The following IQSEC1 variants were observed in gnomAD, a reference collection of about 807,000 sequenced individuals.
IQSEC1 encodes the protein IQ motif and SEC7 domain-containing protein 1.
In IQSEC1, 31 loss-of-function variants were observed where a neutral mutation model predicts 91.0. That is an observed-to-expected ratio of 0.34 (90% CI 0.26 to 0.46). The LOEUF (loss-of-function observed/expected upper bound fraction) is 0.46, where lower values mean the gene tolerates loss of function less well. Among genes scored for constraint, IQSEC1 ranks in the 20% least tolerant of loss-of-function variants. IQSEC1 has a pLI of 1.00. For synonymous variants in IQSEC1, 699 were observed against 662.6 expected, an observed-to-expected ratio of 1.05 and a Z score of -0.84; for missense variants, 1,388 against 1,575.6, an observed-to-expected ratio of 0.88 and a Z score of 2.02.
At chr3:12,963,616 C>T (rs1700375826) in intron 1 of IQSEC1, among the ~76,000 whole-genome samples, 1 of 152,186 alleles carries the variant, frequency 6.6e-6, no homozygotes, top group Non-Finnish European at 1.5e-5. Context: ...TTTCTTTTGG[C>T]TCCATTTCAT....
chr3:13,272,282 T>C (rs1335828182), intron 1 of IQSEC1, among the ~76,000 whole-genome samples: 2 of 152,206 alleles, frequency 1.3e-5, no homozygotes, highest in Non-Finnish European at 2.9e-5. Flanking sequence ...TGGCAAGTGC[T>C]TACAATAAAT....
intron 1 of IQSEC1, among the ~76,000 whole-genome samples, chr3:13,252,546 T>C (rs2125118019): frequency 6.6e-6 from 1 of 152,310 alleles, no homozygotes; most frequent in East Asian, 1.9e-4. Context: ...TTCAATTCTT[T>C]TGGGCATATG....
intron 1 of IQSEC1, among the ~76,000 whole-genome samples, chr3:12,943,362 T>C (rs911479508): frequency 3.3e-5 from 5 of 152,360 alleles, no homozygotes; most frequent in East Asian, 1.9e-4. Flanking sequence ...GCCTTTTCAC[T>C]GTGTGCAGAC....
rs939972948 is a variant in IQSEC1, at chr3:12,900,754, C to T, written c.*229G>A. ...TGGTGTCTGAGGCCCACCCATCCCT[C>T]AGACTGAGGTGAGCAGAGCCCAGGG... is the stretch of plus-strand genomic sequence containing the variant. On this transcript the variant is annotated 3_prime_UTR_variant, in exon 14 of 14. Transcript: ENST00000613206. 51 of 1,425,124 alleles carry T rather than the reference C, an allele frequency of 3.6e-5. No individual in the cohort carries two copies. The highest frequency in any genetic ancestry group is 4.5e-5 in the Non-Finnish European group (49 of 1,093,786). 88.3% of individuals were successfully genotyped at this position (1,425,124 alleles called of 1,614,324 possible).
intron 12 of IQSEC1, among the ~76,000 whole-genome samples, chr3:12,905,403 A>ATTTCT (rs1279288120): frequency 3.2e-4 from 48 of 152,284 alleles, no homozygotes; most frequent in Non-Finnish European, 1.8e-4. Context: ...GCTCAGTGTC[A>ATTTCT]GTGACCATAA....
intron 1 of IQSEC1, among the ~76,000 whole-genome samples, chr3:13,277,260 C>T (rs1051072587): frequency 1.5e-4 from 23 of 152,144 alleles, no homozygotes; most frequent in African/African-American, 5.1e-4. Context: ...CTCCAGGCCC[C>T]TCCAACGTGA....
chr3:12,911,764 T>C, intron 9 of IQSEC1, 36 bp from the exon 10 acceptor site: 1 of 1,410,936 alleles, frequency 7.1e-7, no homozygotes, highest in Non-Finnish European at 1.0e-6. Context: ...AGCTACAGTG[T>C]CTCGGGGGGC....
intron 12 of IQSEC1, among the ~76,000 whole-genome samples, chr3:12,904,238 C>G (rs1021168840): frequency 1.3e-5 from 2 of 152,206 alleles, no homozygotes; most frequent in African/African-American, 4.8e-5. Context: ...TCAGGGGAGT[C>G]CAGTTCCTCT....
At chr3:13,212,571 C>A (rs1000204975) in intron 1 of IQSEC1, among the ~76,000 whole-genome samples, 1 of 152,226 alleles carries the variant, frequency 6.6e-6, no homozygotes, top group East Asian at 1.9e-4. Context: ...ACATGTCTAA[C>A]TGCTCAAGGT....
chr3:12,967,732 G>T lies in IQSEC1; in HGVS notation c.24-25867C>A, dbSNP rs967748254. The T allele has an allele frequency of 4.6e-5, 49 of 1,063,526 alleles. No homozygotes were observed. In the African/African-American group the frequency reaches 8.5e-4, roughly 18 times the overall value. The allele number at this position is 1,063,526 out of a possible 1,614,324, so 65.9% of individuals were successfully genotyped here. ...GCCGGAGGAATGTGGCCCTGAAGTG[G>T]GCGGGGCAGGGCGGGGGCGGGGCCG... is the stretch of plus-strand genomic sequence containing the variant. On this transcript the variant is annotated intron_variant, in intron 1 of 13. Transcript: ENST00000613206. This position sits in a 1 kb window ranked among gnomAD's most constrained non-coding sequence, Gnocchi z 5.9.
At chr3:13,175,252 A>G (rs1693704004) in intron 1 of IQSEC1, among the ~76,000 whole-genome samples, 1 of 152,080 alleles carries the variant, frequency 6.6e-6, no homozygotes, top group African/African-American at 2.4e-5. Flanking sequence ...CTCTGGGCCC[A>G]TGTTTCCTCA....
chr3:13,181,037 T>C (rs9819465), intron 1 of IQSEC1, among the ~76,000 whole-genome samples: 4,941 of 152,212 alleles, frequency 0.032, 263 homozygotes, highest in African/African-American at 0.11. Flanking sequence ...TTTGGGAGGC[T>C]GAGGCGGGCG....
chr3:13,265,297 T>C (rs1005287827), intron 1 of IQSEC1, among the ~76,000 whole-genome samples: 1 of 128,280 alleles, frequency 7.8e-6, no homozygotes, highest in Non-Finnish European at 1.7e-5. Flanking sequence ...CGGCAGAGCC[T>C]CTGCCTGTGC....
intron 1 of IQSEC1, among the ~76,000 whole-genome samples, chr3:13,164,572 T>C (rs754594401): frequency 2.6e-5 from 4 of 152,148 alleles, no homozygotes; most frequent in Non-Finnish European, 5.9e-5. Flanking sequence ...ACTTGGTATT[T>C]CCAGTGTTAT....
intron 1 of IQSEC1, among the ~76,000 whole-genome samples, chr3:13,044,786 G>A (rs12496214): frequency 0.022 from 3,305 of 152,346 alleles, 50 homozygotes; most frequent in Middle Eastern, 0.088. Flanking sequence ...TACTGGCTGG[G>A]ACCTTTGTTT....
chr3:13,170,467 C>G (rs945641653), intron 1 of IQSEC1, among the ~76,000 whole-genome samples: 1 of 152,218 alleles, frequency 6.6e-6, no homozygotes, highest in Non-Finnish European at 1.5e-5. Flanking sequence ...CCACCGTCCT[C>G]CAGACCCCAG....
In IQSEC1 at chr3:12,935,054, AC is replaced by A. The variant is rs3836369; in HGVS notation, c.1568+393del. On this transcript the variant is annotated intron_variant, in intron 3 of 13. Transcript: ENST00000613206. This position sits in a 1 kb window ranked among gnomAD's most constrained non-coding sequence, Gnocchi z 8.0. ...GCCCCCCACTGACACAACCGGTCAT[AC>A]CCCTGCTCAAAGGCCTTTGTGTCCC... Among the ~76,000 whole-genome samples the A allele has an allele frequency of 0.092, 13,974 of 151,948 alleles. 684 individuals are homozygous for A. The highest frequency in any genetic ancestry group is 0.14 in the Middle Eastern group (40 of 292).
intron 1 of IQSEC1, among the ~76,000 whole-genome samples, chr3:12,962,253 G>C (rs1700287566): frequency 6.6e-6 from 1 of 152,218 alleles, no homozygotes; most frequent in South Asian, 2.1e-4. Flanking sequence ...CCGGGCCCTT[G>C]CTATGTTACT....
At chr3:13,102,690 A>C (rs1706085683) in intron 2 of IQSEC1, among the ~76,000 whole-genome samples, 1 of 152,144 alleles carries the variant, frequency 6.6e-6, no homozygotes, top group African/African-American at 2.4e-5. Flanking sequence ...TGCAGGCCAC[A>C]GGTCCCACCC....
Sources: allele counts gnomAD v4.1 joint callset (sites outside exome capture counted in the v4.1 genomes callset), GRCh38; gene constraint gnomAD v4.1.1; non-coding constraint Gnocchi (gnomAD v3.1); transcripts MANE v1.5; gene names NCBI Gene and HGNC (gene_info 2026-07-23, HGNC 2026-07-21).